The following EYA1 variants were observed in gnomAD, a reference collection of about 807,000 sequenced individuals.
The protein encoded by EYA1 is EYA transcriptional coactivator and phosphatase 1.
EYA1 carries 16 observed loss-of-function variants against 82.0 expected under a neutral mutation model. The observed-to-expected ratio is 0.20, with a 90% confidence interval of 0.13 to 0.30. The LOEUF is 0.30. Among genes scored for constraint, EYA1 ranks in the 10% least tolerant of loss-of-function variants. The probability of loss-of-function intolerance (pLI) is 1.00; values close to 1 mark genes in which losing one functional copy is unlikely to be tolerated. For synonymous variants in EYA1, 261 were observed against 264.4 expected (o/e 0.99, Z 0.12); for missense variants, 633 against 730.7 (o/e 0.87, Z 1.54).
chr8:71,361,752 G>T lies in EYA1; in HGVS notation c.-160C>A, dbSNP rs985229393. 8 of 985,386 alleles carry T rather than the reference G, an allele frequency of 8.1e-6. No individual in the cohort carries two copies. The highest frequency in any genetic ancestry group is 3.6e-6 in the Non-Finnish European group (3 of 829,982). The allele number at this position is 985,386 out of a possible 1,614,324, so 61.0% of individuals were successfully genotyped here. On this transcript the variant is annotated 5_prime_UTR_variant, in exon 1 of 18. Coordinates refer to ENST00000340726, the MANE Select transcript of EYA1 (RefSeq NM_000503.6). ...GTTTTGCTCCTGGATGGGTACGCGCGGGGGCTCTCAGGCGCTCTGGTGCAG... is the reference window on the plus strand; with the variant it reads ...GTTTTGCTCCTGGATGGGTACGCGCTGGGGCTCTCAGGCGCTCTGGTGCAG...
chr8:71,514,575 G>T (rs117218535), intron 2 of EYA1, among the ~76,000 whole-genome samples: 2 of 152,140 alleles, frequency 1.3e-5, no homozygotes, highest in Non-Finnish European at 2.9e-5. Flanking sequence ...GATGTGAAAC[G>T]CACTTCTTAT....
intron 2 of EYA1, among the ~76,000 whole-genome samples, chr8:71,426,107 T>C (rs1454078348): frequency 6.6e-6 from 1 of 152,202 alleles, no homozygotes; most frequent in East Asian, 1.9e-4. Context: ...GAATATGCAT[T>C]TATAAGTTAA....
intron 12 of EYA1, among the ~76,000 whole-genome samples, chr8:71,233,051 C>T (rs972043323): frequency 6.6e-6 from 1 of 152,156 alleles, no homozygotes; most frequent in Non-Finnish European, 1.5e-5. Context: ...CCAGTTCCAC[C>T]TCTGGTGTCT....
chr8:71,419,582 G>T (rs558133810), intron 2 of EYA1, among the ~76,000 whole-genome samples: 1 of 152,090 alleles, frequency 6.6e-6, no homozygotes, highest in Non-Finnish European at 1.5e-5. Context: ...AACCAGATTA[G>T]CTATGGGTTC....
At chr8:71,483,680 T>C (rs780354336) in intron 2 of EYA1, among the ~76,000 whole-genome samples, 7 of 151,788 alleles carry the variant, frequency 4.6e-5, no homozygotes, top group Non-Finnish European at 1.0e-4. Context: ...TGTGCGTGTG[T>C]GTGTGTGTGT....
Position 71,321,850 on chromosome 8 carries a change from G to A in EYA1, c.302C>T (p.Pro101Leu). The part of the protein sequence containing the change: ...NRPYPHILPT[P>L]SSQTMAAYGQ... ...ATATGCAGCCATAGTTTGTGAGGAA[G>A]GGGTAGGGAGAATATGTGGGTATGG... The change falls in exon 6 of 18, where the codon CCT becomes CTT. Residue 101 changes from proline (P) to leucine (L), a missense_variant. Transcript: ENST00000340726. 6.2e-7 allele frequency: 1 copy of A among 1,614,246 alleles called. No homozygotes were observed. Among genetic ancestry groups the A allele is most frequent in the Non-Finnish European group, 8.5e-7 (1 of 1,180,046 alleles).
chr8:71,352,871 G>A (rs139049624), intron 3 of EYA1, among the ~76,000 whole-genome samples: 50 of 152,200 alleles, frequency 3.3e-4, no homozygotes, highest in Admixed American at 2.5e-3. Context: ...CATCTAAGGG[G>A]GAACCCTAAA....
chr8:71,517,722 T>TATAG (rs1563695472), intron 2 of EYA1, among the ~76,000 whole-genome samples: 2 of 148,522 alleles, frequency 1.3e-5, no homozygotes, highest in African/African-American at 4.9e-5. Context: ...TATATATATA[T>TATAG]ATATAACTGT....
chr8:71,546,560 G>A (rs895191968), intron 1 of EYA1, among the ~76,000 whole-genome samples: 1 of 151,088 alleles, frequency 6.6e-6, no homozygotes, highest in African/African-American at 2.4e-5. Context: ...GACTGCAGTG[G>A]CGCAATCTCG....
At chr8:71,245,276 G>C (rs191238235) in intron 11 of EYA1, among the ~76,000 whole-genome samples, 1 of 151,988 alleles carries the variant, frequency 6.6e-6, no homozygotes, top group Non-Finnish European at 1.5e-5. Flanking sequence ...ACCCAGGCTG[G>C]AGTACATTGG....
intron 2 of EYA1, among the ~76,000 whole-genome samples, chr8:71,452,844 A>T (rs548547465): frequency 9.8e-5 from 15 of 152,332 alleles, no homozygotes; most frequent in African/African-American, 3.4e-4. Flanking sequence ...AAAGCTGAAA[A>T]TTCTAAATTC....
At chr8:71,352,138 AAC>A (rs1826367828) in intron 3 of EYA1, among the ~76,000 whole-genome samples, 1 of 152,194 alleles carries the variant, frequency 6.6e-6, no homozygotes, top group Admixed American at 6.6e-5. Context: ...TTCATCGGTA[AAC>A]ACTGCTGTTT....
intron 2 of EYA1, among the ~76,000 whole-genome samples, chr8:71,425,773 C>T (rs917246610): frequency 6.6e-6 from 1 of 152,140 alleles, no homozygotes; most frequent in Non-Finnish European, 1.5e-5. Flanking sequence ...GTATTCTACC[C>T]ATAAACAAGC....
intron 2 of EYA1, among the ~76,000 whole-genome samples, chr8:71,496,080 C>G (rs867222467): frequency 2.6e-5 from 4 of 152,176 alleles, no homozygotes; most frequent in South Asian, 4.1e-4. Context: ...AAAAAACTCA[C>G]AAATTCAGAC....
intron 13 of EYA1, 33 bp from the exon 14 acceptor site, chr8:71,216,885 C>A: frequency 1.9e-6 from 3 of 1,613,638 alleles, no homozygotes; most frequent in South Asian, 1.1e-5. Flanking sequence ...CAAAGTTAGC[C>A]GAACAGAAAG....
chr8:71,264,017 G>A (rs1445408), intron 11 of EYA1, among the ~76,000 whole-genome samples: 7,579 of 152,270 alleles, frequency 0.05, 614 homozygotes, highest in African/African-American at 0.17. Flanking sequence ...GCAGAACTGT[G>A]TAGTTATGGC....
chr8:71,477,024 T>C (rs910052939), intron 2 of EYA1, among the ~76,000 whole-genome samples: 2 of 151,976 alleles, frequency 1.3e-5, no homozygotes, highest in Non-Finnish European at 2.9e-5. Flanking sequence ...GATATCCTCA[T>C]GCAAAAGAAT....
At position 71,246,277 on chromosome 8, in the gene EYA1, T is replaced by G. The variant is rs538508431; in HGVS notation, c.1051-1585A>C. Among the ~76,000 whole-genome samples the G allele has an allele frequency of 2.6e-5, 4 of 152,336 alleles. No homozygotes were observed. In the South Asian group the frequency reaches 8.3e-4, roughly 32 times the overall value. The stretch of plus-strand genomic sequence containing the variant: ...AAACCTTTGGAATAAGTATGGAATC[T>G]CCTTGCATCATTATGTAACCAGGGG... On this transcript the variant is annotated intron_variant, in intron 11 of 17. Coordinates refer to ENST00000340726, the MANE Select transcript of EYA1 (RefSeq NM_000503.6).
intron 4 of EYA1, among the ~76,000 whole-genome samples, chr8:71,323,087 G>A (rs1822764583): frequency 6.6e-6 from 1 of 152,094 alleles, no homozygotes; most frequent in Non-Finnish European, 1.5e-5. Context: ...TGTTAACAAA[G>A]TCCTGAAAAT....
Sources: allele counts gnomAD v4.1 joint callset (sites outside exome capture counted in the v4.1 genomes callset), GRCh38; gene constraint gnomAD v4.1.1; transcripts MANE v1.5; gene names NCBI Gene and HGNC (gene_info 2026-07-23, HGNC 2026-07-21).